The following KCND2 variants were observed in gnomAD, a reference collection of about 807,000 sequenced individuals.
KCND2 encodes A-type voltage-gated potassium channel KCND2.
Under a neutral mutation model 54.4 loss-of-function variants are expected in KCND2, and 16 were observed. The ratio of observed to expected loss-of-function variants is 0.29; its 90% CI spans 0.20 to 0.45. KCND2 has a LOEUF of 0.45. Ranked by LOEUF, KCND2 falls within the 20% of genes least tolerant of loss-of-function variation. KCND2 has a pLI of 1.00. For synonymous variants in KCND2, 317 were observed against 310.7 expected, an observed-to-expected ratio of 1.02 and a Z score of -0.21; for missense variants, 486 against 824.2, an observed-to-expected ratio of 0.59 and a Z score of 5.02.
chr7:120,709,257 A>T (rs147948138), intron 1 of KCND2, among the ~76,000 whole-genome samples: 1 of 152,146 alleles, frequency 6.6e-6, no homozygotes, highest in Non-Finnish European at 1.5e-5. Flanking sequence ...AAGAAAACAA[A>T]ACTTCAAATT....
chr7:120,727,987 A>T (rs1453119754), intron 1 of KCND2, among the ~76,000 whole-genome samples: 4 of 151,776 alleles, frequency 2.6e-5, no homozygotes, highest in Admixed American at 2.6e-4. Context: ...TACAAAAATT[A>T]GCTGGGTGTG....
At chr7:120,454,740 C>G (rs917803247) in intron 1 of KCND2, among the ~76,000 whole-genome samples, 88 of 152,212 alleles carry the variant, frequency 5.8e-4, no homozygotes, top group African/African-American at 2.0e-3. Flanking sequence ...GAAAGTCATC[C>G]TATCTCTATT....
chr7:120,581,126 A>G (rs1450205060), intron 1 of KCND2, among the ~76,000 whole-genome samples: 2 of 152,224 alleles, frequency 1.3e-5, no homozygotes, highest in East Asian at 3.8e-4. Context: ...TCTTATTAGA[A>G]GATATAATAA....
chr7:120,350,691 G>A (rs1002249917), intron 1 of KCND2, among the ~76,000 whole-genome samples: 33 of 152,086 alleles, frequency 2.2e-4, no homozygotes, highest in African/African-American at 7.0e-4. Flanking sequence ...TTTGCTTATA[G>A]CACATCTATG....
rs1422900434 is a variant in KCND2, at chr7:120,309,472, TATACACAC to T, written c.1115+33727_1115+33734del. On this transcript the variant is annotated intron_variant, in intron 1 of 5. Transcript: ENST00000331113. ...GAAAACATATATATATATATATATA[TATACACAC>T]ACACACACACACACACACACACATA... Among the ~76,000 whole-genome samples, 589 of 122,590 alleles carry T rather than the reference TATACACAC, an allele frequency of 4.8e-3. 5 individuals are homozygous for T. The highest frequency in any genetic ancestry group is 0.017 in the African/African-American group (560 of 33,340). The allele number at this position is 122,590 out of a possible 152,430, so 80.4% of individuals were successfully genotyped here.
At chr7:120,495,185 A>G (rs1328595542) in intron 1 of KCND2, among the ~76,000 whole-genome samples, 1 of 152,148 alleles carries the variant, frequency 6.6e-6, no homozygotes. Flanking sequence ...TTTACATTTT[A>G]TAAAAGCTAA....
chr7:120,324,268 G>T (rs1332418746), intron 1 of KCND2, among the ~76,000 whole-genome samples: 38 of 150,114 alleles, frequency 2.5e-4, no homozygotes, highest in East Asian at 1.8e-3. Flanking sequence ...ACTCTGATGG[G>T]AGTTTCTTTT....
At position 120,443,388 on chromosome 7, in the gene KCND2, A is replaced by G. The variant is rs778368830; in HGVS notation, c.1115+167641A>G. Among the ~76,000 whole-genome samples the G allele has an allele frequency of 1.1e-3, 157 of 144,894 alleles. 1 individual carries two copies. The highest frequency in any genetic ancestry group is 3.3e-3 in the Admixed American group (47 of 14,284). ...ATAATAATAATAATAATAATAATAA[A>G]GTAATTGCTTTACGAGGGATAAAAA... On this transcript the variant is annotated intron_variant, in intron 1 of 5. Transcript: ENST00000331113.
At chr7:120,670,019 G>A (rs1217983268) in intron 1 of KCND2, among the ~76,000 whole-genome samples, 1 of 151,910 alleles carries the variant, frequency 6.6e-6, no homozygotes, top group African/African-American at 2.4e-5. Flanking sequence ...ACTTAGAGGG[G>A]GTGAGGGATA....
intron 1 of KCND2, among the ~76,000 whole-genome samples, chr7:120,460,862 A>T (rs1328309887): frequency 6.6e-6 from 1 of 152,200 alleles, no homozygotes; most frequent in Non-Finnish European, 1.5e-5. Flanking sequence ...TTCTGTACAA[A>T]TTCAACCAAG....
intron 1 of KCND2, among the ~76,000 whole-genome samples, chr7:120,393,764 TA>T (rs1446442208): frequency 6.6e-6 from 1 of 152,040 alleles, no homozygotes; most frequent in Non-Finnish European, 1.5e-5. Flanking sequence ...ACATGGTGAA[TA>T]AAACCTGTTA....
chr7:120,686,911 A>G (rs1034676541), intron 1 of KCND2, among the ~76,000 whole-genome samples: 2 of 152,114 alleles, frequency 1.3e-5, no homozygotes, highest in Non-Finnish European at 2.9e-5. Context: ...GTTTCTATCT[A>G]TTGGAAGACT....
At chr7:120,526,468 T>G (rs1791775369) in intron 1 of KCND2, among the ~76,000 whole-genome samples, 1 of 152,188 alleles carries the variant, frequency 6.6e-6, no homozygotes, top group South Asian at 2.1e-4. Context: ...TTTCTTATGA[T>G]CTTCTTTTGT....
At chr7:120,605,904 T>G (rs1328857173) in intron 1 of KCND2, among the ~76,000 whole-genome samples, 2 of 152,226 alleles carry the variant, frequency 1.3e-5, no homozygotes, top group African/African-American at 4.8e-5. Flanking sequence ...TCTTTAATTG[T>G]AGCTCCCATA....
At chr7:120,614,673 G>GA (rs1199088443) in intron 1 of KCND2, among the ~76,000 whole-genome samples, 1 of 152,130 alleles carries the variant, frequency 6.6e-6, no homozygotes, top group Non-Finnish European at 1.5e-5. Context: ...TCTACCAAGA[G>GA]ATATTAAGCA....
At chr7:120,661,606 C>T (rs796983708) in intron 1 of KCND2, among the ~76,000 whole-genome samples, 12 of 151,050 alleles carry the variant, frequency 7.9e-5, no homozygotes, top group African/African-American at 2.4e-4. Context: ...GCCAAGATCA[C>T]GCCACCGCAC....
intron 1 of KCND2, among the ~76,000 whole-genome samples, chr7:120,405,751 A>G (rs1801343054): frequency 1.3e-5 from 2 of 152,076 alleles, no homozygotes; most frequent in Admixed American, 6.6e-5. Context: ...ACTTGTCATC[A>G]TAGGACTAAT....
chr7:120,600,755 A>G (rs1792803868), intron 1 of KCND2, among the ~76,000 whole-genome samples: 1 of 152,032 alleles, frequency 6.6e-6, no homozygotes, highest in Non-Finnish European at 1.5e-5. Context: ...ATAACTTCAT[A>G]CATGATTTTC....
At chr7:120,725,289 T>C (rs1304398753) in intron 1 of KCND2, among the ~76,000 whole-genome samples, 1 of 152,172 alleles carries the variant, frequency 6.6e-6, no homozygotes, top group Non-Finnish European at 1.5e-5. Context: ...ACACTAAGGG[T>C]CCTAATTAAG....
Sources: allele counts gnomAD v4.1 joint callset (sites outside exome capture counted in the v4.1 genomes callset), GRCh38; gene constraint gnomAD v4.1.1; transcripts MANE v1.5; gene names NCBI Gene and HGNC (gene_info 2026-07-23, HGNC 2026-07-21).